Variants in THSD4 observed in about 807,000 individuals in gnomAD.
THSD4 encodes the protein thrombospondin type-1 domain-containing protein 4.
THSD4 carries 69 observed loss-of-function variants against 119.0 expected under a neutral mutation model. The ratio of observed to expected loss-of-function variants is 0.58; its 90% CI spans 0.48 to 0.71. THSD4 has a LOEUF of 0.71. THSD4 is among the 30% of genes least tolerant of loss of function. The pLI is 0.00. For missense variants in THSD4, 1,393 were observed against 1,391.1 expected (o/e 1.00, Z -0.02); for synonymous variants, 524 against 540.4 (o/e 0.97, Z 0.42).
intron 7 of THSD4, among the ~76,000 whole-genome samples, chr15:71,502,715 A>G (rs2048130023): frequency 6.6e-6 from 1 of 152,258 alleles, no homozygotes; most frequent in Admixed American, 6.5e-5. Context: ...CATACTGAAT[A>G]GAAGCAGAAG....
chr15:71,517,535 A>G (rs2048378384), intron 7 of THSD4, among the ~76,000 whole-genome samples: 1 of 152,218 alleles, frequency 6.6e-6, no homozygotes, highest in Non-Finnish European at 1.5e-5. Context: ...CAAGTACAAT[A>G]ATTTCAGGCC....
intron 6 of THSD4, among the ~76,000 whole-genome samples, chr15:71,322,003 T>C (rs1367061456): frequency 6.6e-6 from 1 of 151,710 alleles, no homozygotes; most frequent in East Asian, 1.9e-4. Flanking sequence ...AATGTAGAAC[T>C]GAGTAAAATG....
rs565634331 is a variant in THSD4 at position 71,202,540 on chromosome 15, C to T, written c.100-12495C>T. 4.6e-5 allele frequency among the ~76,000 whole-genome samples: 7 copies of T among 152,310 alleles called. No homozygotes were observed. In the East Asian group the frequency reaches 1.3e-3, roughly 29 times the overall value. ...ATGCTGGGAATTTTCTTGAAGGCTA[C>T]TGTTTTATTTAAACATTCCTCAGAA... is the stretch of plus-strand genomic sequence containing the variant. On this transcript the variant is annotated intron_variant, in intron 3 of 17. Coordinates refer to ENST00000261862, the MANE Select transcript of THSD4 (RefSeq NM_024817.3).
At chr15:71,391,765 T>G (rs939975692) in intron 6 of THSD4, among the ~76,000 whole-genome samples, 4 of 152,190 alleles carry the variant, frequency 2.6e-5, no homozygotes, top group African/African-American at 9.7e-5. Context: ...GGCTGATGAT[T>G]GAACTGCAGG....
intron 7 of THSD4, among the ~76,000 whole-genome samples, chr15:71,468,955 T>C (rs891408532): frequency 5.3e-5 from 8 of 152,218 alleles, no homozygotes; most frequent in African/African-American, 9.6e-5. Context: ...CTGGGAAATG[T>C]AGTCTTTATT....
At chr15:71,223,580 G>C (rs184673662) in intron 4 of THSD4, among the ~76,000 whole-genome samples, 1 of 152,268 alleles carries the variant, frequency 6.6e-6, no homozygotes, top group Non-Finnish European at 1.5e-5. Flanking sequence ...TTAAAGTTTT[G>C]TTGTCATTTG....
chr15:71,486,621 T>G (rs1190922082), intron 7 of THSD4, among the ~76,000 whole-genome samples: 1 of 57,840 alleles, frequency 1.7e-5, no homozygotes, highest in Non-Finnish European at 5.0e-5. Context: ...GTTTTTTTTT[T>G]TTTTTTTTTT....
intron 6 of THSD4, among the ~76,000 whole-genome samples, chr15:71,272,907 G>C (rs2044549067): frequency 6.6e-6 from 1 of 152,070 alleles, no homozygotes; most frequent in South Asian, 2.1e-4. Context: ...GTGTTGGCCA[G>C]GATATGGAGA....
intron 7 of THSD4, among the ~76,000 whole-genome samples, chr15:71,561,479 T>C (rs2049116087): frequency 6.6e-6 from 1 of 152,146 alleles, no homozygotes; most frequent in South Asian, 2.1e-4. Flanking sequence ...GAGTGGGTAT[T>C]TGTCCAACTG....
At chr15:71,750,238 C>T (rs1386017820) in intron 14 of THSD4, among the ~76,000 whole-genome samples, 2 of 152,214 alleles carry the variant, frequency 1.3e-5, no homozygotes, top group African/African-American at 4.8e-5. Flanking sequence ...AAAGAAGGAC[C>T]CTTTCACGCA....
chr15:71,220,313 A>C (rs1196941765), intron 4 of THSD4, among the ~76,000 whole-genome samples: 1 of 152,200 alleles, frequency 6.6e-6, no homozygotes, highest in Admixed American at 6.5e-5. Flanking sequence ...ATATATCTGG[A>C]AACTTCTTGA....
At chr15:71,480,493 A>G (rs534618271) in intron 7 of THSD4, among the ~76,000 whole-genome samples, 1 of 152,330 alleles carries the variant, frequency 6.6e-6, no homozygotes, top group East Asian at 1.9e-4. Context: ...AACTCTTGCC[A>G]TAATATTGCT....
At chr15:71,709,035 G>A (rs552731870) in intron 8 of THSD4, among the ~76,000 whole-genome samples, 6 of 152,282 alleles carry the variant, frequency 3.9e-5, no homozygotes, top group South Asian at 4.1e-4. Flanking sequence ...GTAGAGTCGC[G>A]TGGTGTACAG....
chr15:71,265,410 G>A lies in THSD4; in HGVS notation c.1015+8695G>A, dbSNP rs866088027. Among the ~76,000 whole-genome samples the A allele has an allele frequency of 4.6e-5, 7 of 152,222 alleles. No individual in the cohort carries two copies. In the Middle Eastern group the frequency reaches 0.01, roughly 222 times the overall value. On this transcript the variant is annotated intron_variant, in intron 6 of 17. Coordinates refer to ENST00000261862, the MANE Select transcript of THSD4 (RefSeq NM_024817.3). ...GTGAGAGACTGTGCCTTGAGGAATG[G>A]TGCACTCTAGCCCAGATACTACGCT...
At chr15:71,753,009 C>T (rs1047234038) in intron 14 of THSD4, among the ~76,000 whole-genome samples, 4 of 152,164 alleles carry the variant, frequency 2.6e-5, no homozygotes, top group African/African-American at 9.7e-5. Flanking sequence ...ACACAGCTTC[C>T]GACTCAATAA....
rs190568634 is a variant in THSD4, at chr15:71,665,985, G to A, written c.1357+5251G>A. 2.6e-5 allele frequency among the ~76,000 whole-genome samples: 4 copies of A among 152,176 alleles called. No individual in the cohort carries two copies. The East Asian group carries it at 7.7e-4, about 29-fold the overall frequency. ...TGCTTAGGATTGCCTTGGCCTTTGG[G>A]GCTCTTTTTTTGATCCATATGCATT... On this transcript the variant is annotated intron_variant, in intron 8 of 17. Coordinates refer to ENST00000261862, the MANE Select transcript of THSD4 (RefSeq NM_024817.3).
intron 7 of THSD4, among the ~76,000 whole-genome samples, chr15:71,612,083 C>A (rs2050241264): frequency 6.6e-6 from 1 of 152,112 alleles, no homozygotes; most frequent in South Asian, 2.1e-4. Context: ...GGAAGATATC[C>A]CCTCTTAGCC....
At chr15:71,531,438 T>A (rs2140814160) in intron 7 of THSD4, among the ~76,000 whole-genome samples, 1 of 152,270 alleles carries the variant, frequency 6.6e-6, no homozygotes, top group East Asian at 1.9e-4. Flanking sequence ...TGTGGACACA[T>A]GAAAATGGAT....
intron 7 of THSD4, among the ~76,000 whole-genome samples, chr15:71,556,068 G>A (rs2049011066): frequency 6.6e-6 from 1 of 152,098 alleles, no homozygotes; most frequent in South Asian, 2.1e-4. Context: ...AATAATCTGT[G>A]TAGGGCAAAT....
Sources: allele counts gnomAD v4.1 joint callset (sites outside exome capture counted in the v4.1 genomes callset), GRCh38; gene constraint gnomAD v4.1.1; transcripts MANE v1.5; gene names NCBI Gene and HGNC (gene_info 2026-07-23, HGNC 2026-07-21).